The following ALKBH8 variants were observed in gnomAD, a reference collection of about 807,000 sequenced individuals.
The protein encoded by ALKBH8 is alkB homolog 8, tRNA methyltransferase, also known as tRNA (carboxymethyluridine(34)-5-O)-methyltransferase ALKBH8.
Under a neutral mutation model 59.8 loss-of-function variants are expected in ALKBH8, and 36 were observed. That is an observed-to-expected ratio of 0.60 (90% CI 0.46 to 0.79). ALKBH8 has a LOEUF of 0.79. Ranked by LOEUF, ALKBH8 falls within the 30% of genes least tolerant of loss-of-function variation. ALKBH8 has a pLI of 0.00. For synonymous variants in ALKBH8, 276 were observed against 273.6 expected (o/e 1.01, Z -0.09); for missense variants, 768 against 801.0 (o/e 0.96, Z 0.50).
In ALKBH8 at chr11:107,515,951, G is replaced by T. The variant is rs563044142; in HGVS notation, c.1288-4915C>A. Among the ~76,000 whole-genome samples the T allele has an allele frequency of 3.3e-5, 5 of 152,228 alleles. No homozygotes were observed. In the East Asian group the frequency reaches 9.7e-4, roughly 29 times the overall value. ...TAAGGTTTATAATTTTTGACCAATA[G>T]TTACCTTTCTAAAAATTTATCCTAA... On this transcript the variant is annotated intron_variant, in intron 10 of 11. Coordinates refer to ENST00000428149, the MANE Select transcript of ALKBH8 (RefSeq NM_138775.3).
chr11:107,545,489 T>G (rs1220003165), intron 7 of ALKBH8, among the ~76,000 whole-genome samples: 1 of 152,202 alleles, frequency 6.6e-6, no homozygotes, highest in East Asian at 1.9e-4. Context: ...GCTGAAAGCA[T>G]GAGCCTGGAA....
intron 10 of ALKBH8, among the ~76,000 whole-genome samples, chr11:107,514,874 G>A (rs1338391051): frequency 1.3e-5 from 2 of 151,864 alleles, no homozygotes; most frequent in Admixed American, 1.3e-4. Flanking sequence ...AAAGAGGAAA[G>A]TTATTACCTG....
intron 10 of ALKBH8, among the ~76,000 whole-genome samples, chr11:107,514,147 G>A (rs1862758003): frequency 6.6e-6 from 1 of 152,088 alleles, no homozygotes; most frequent in African/African-American, 2.4e-5. Flanking sequence ...AGTGAAGAAT[G>A]TAATATTGTC....
chr11:107,539,975 C>A (rs1350592171), intron 7 of ALKBH8, among the ~76,000 whole-genome samples: 1 of 152,166 alleles, frequency 6.6e-6, no homozygotes, highest in East Asian at 1.9e-4. Context: ...CACACATGAG[C>A]ACAGGATGGT....
Position 107,505,115 on chromosome 11 carries a change from T to C in ALKBH8, c.1538A>G (p.Gln513Arg), listed in dbSNP as rs779839216. Residue 513 changes from glutamine to arginine, a missense_variant, in exon 12 of 12, where the codon CAG becomes CGG. Transcript: ENST00000428149. ...VWAMEQEYNK[Q>R]KSKYLRGNRN... is the part of the protein sequence containing the mutation. Reference sequence around the variant, plus strand: ...GTTTCCTCTAAGATACTTGGACTTCTGCTTATTATATTCTTGTTCCATTGC... The same window carrying C: ...GTTTCCTCTAAGATACTTGGACTTCCGCTTATTATATTCTTGTTCCATTGC... 2.8e-5 allele frequency: 44 copies of C among 1,551,322 alleles called. No individual in the cohort carries two copies. Among genetic ancestry groups the C allele is most frequent in the Non-Finnish European group, 3.7e-5 (42 of 1,146,974 alleles).
chr11:107,547,825 T>G (rs1864329948), intron 7 of ALKBH8, among the ~76,000 whole-genome samples: 1 of 152,228 alleles, frequency 6.6e-6, no homozygotes, highest in African/African-American at 2.4e-5. Context: ...CCAAACGTCA[T>G]TCAAATTGGC....
chr11:107,535,150 G>A (rs933605220), intron 7 of ALKBH8, among the ~76,000 whole-genome samples: 17 of 152,066 alleles, frequency 1.1e-4, no homozygotes, highest in Admixed American at 1.3e-4. Context: ...TTATCCACTC[G>A]TTGATTGATG....
chr11:107,521,680 T>C (rs1276266227), intron 10 of ALKBH8, among the ~76,000 whole-genome samples: 1 of 152,014 alleles, frequency 6.6e-6, no homozygotes, highest in African/African-American at 2.4e-5. Context: ...TAGAAAAAAA[T>C]AGTAACTGAA....
At chr11:107,522,699 C>G (rs1280180479) in intron 9 of ALKBH8, 144 bp from the exon 10 acceptor site, 2 of 1,031,194 alleles carry the variant, frequency 1.9e-6, no homozygotes, top group African/African-American at 3.3e-5. Context: ...AAAGTTCTTC[C>G]CTAATAAGTC....
intron 10 of ALKBH8, among the ~76,000 whole-genome samples, chr11:107,516,886 T>C (rs781648178): frequency 1.3e-5 from 2 of 151,712 alleles, no homozygotes; most frequent in Non-Finnish European, 2.9e-5. Flanking sequence ...ATTAGCTGGG[T>C]GTGGTGGTGC....
chr11:107,543,548 T>A (rs1864131609), intron 7 of ALKBH8, among the ~76,000 whole-genome samples: 1 of 152,200 alleles, frequency 6.6e-6, no homozygotes, highest in Non-Finnish European at 1.5e-5. Flanking sequence ...GATAGACAAC[T>A]CTCCAATATG....
At chr11:107,537,341 T>C (rs1466650788) in intron 7 of ALKBH8, among the ~76,000 whole-genome samples, 2 of 152,176 alleles carry the variant, frequency 1.3e-5, no homozygotes, top group Non-Finnish European at 2.9e-5. Context: ...CAAGAACATG[T>C]GGTACATATA....
intron 10 of ALKBH8, among the ~76,000 whole-genome samples, chr11:107,520,544 G>A (rs1421942714): frequency 1.3e-5 from 2 of 152,142 alleles, no homozygotes; most frequent in Admixed American, 1.3e-4. Flanking sequence ...TGCAAAAGCA[G>A]AGCCTACTGA....
intron 8 of ALKBH8, among the ~76,000 whole-genome samples, chr11:107,527,064 GTTTGTCAATT>G (rs1863387422): frequency 6.6e-6 from 1 of 151,840 alleles, no homozygotes; most frequent in Non-Finnish European, 1.5e-5. Flanking sequence ...TTTAGAATCG[GTTTGTCAATT>G]TTGTCAAAAA....
chr11:107,562,223 C>T (rs528832821), intron 1 of ALKBH8, among the ~76,000 whole-genome samples: 9 of 150,978 alleles, frequency 6.0e-5, no homozygotes, highest in African/African-American at 1.5e-4. Flanking sequence ...CGCTTGAACC[C>T]GGGAGGCAGA....
chr11:107,522,625 A>T (rs762740092), intron 9 of ALKBH8, 70 bp from the exon 10 acceptor site: 1 of 1,449,678 alleles, frequency 6.9e-7, no homozygotes, highest in African/African-American at 1.4e-5. Context: ...GTTTTCTTAA[A>T]TGAAAAAAAA....
At chr11:107,526,789 A>G (rs936396553) in intron 8 of ALKBH8, among the ~76,000 whole-genome samples, 3 of 151,948 alleles carry the variant, frequency 2.0e-5, no homozygotes, top group Non-Finnish European at 2.9e-5. Context: ...TTTTATTTCC[A>G]TATGGATATT....
intron 2 of ALKBH8, among the ~76,000 whole-genome samples, chr11:107,558,750 T>G (rs147080732): frequency 5.3e-5 from 8 of 152,332 alleles, no homozygotes; most frequent in Admixed American, 1.3e-4. Flanking sequence ...ATGGAACTAT[T>G]ATTTTATTTA....
chr11:107,520,324 GT>G (rs1863055513), intron 10 of ALKBH8, among the ~76,000 whole-genome samples: 1 of 152,152 alleles, frequency 6.6e-6, no homozygotes, highest in Non-Finnish European at 1.5e-5. Flanking sequence ...CTGAGTGAGT[GT>G]ACTTATGATT....
Sources: gnomAD v4.1 joint callset for allele counts (sites outside exome capture counted in the v4.1 genomes callset) on GRCh38, gnomAD v4.1.1 for gene constraint, MANE v1.5 for transcripts, NCBI Gene and HGNC (gene_info 2026-07-23, HGNC 2026-07-21) for gene names.